Variants in FAM83F observed in about 807,000 individuals in gnomAD.
FAM83F encodes the protein protein FAM83F.
A neutral mutation model predicts 42.9 loss-of-function variants in FAM83F; 45 were observed. The observed-to-expected ratio is 1.05, with a 90% CI of 0.83 to 1.35. The LOEUF is 1.35. Ranked by LOEUF, FAM83F falls within the 40% of genes most tolerant of loss-of-function variation. The pLI is 0.00. For missense variants in FAM83F, 617 were observed against 695.9 expected, an observed-to-expected ratio of 0.89 and a Z score of 1.28; for synonymous variants, 306 against 298.3, an observed-to-expected ratio of 1.03 and a Z score of -0.27.
intron 1 of FAM83F, among the ~76,000 whole-genome samples, chr22:40,013,825 A>C (rs971733043): frequency 1.3e-5 from 2 of 152,038 alleles, no homozygotes; most frequent in Non-Finnish European, 2.9e-5. Context: ...AGAGTTTCCA[A>C]TATTTCTTCC....
chr22:40,027,588 C>T (rs879690770), intron 4 of FAM83F, among the ~76,000 whole-genome samples: 1 of 152,224 alleles, frequency 6.6e-6, no homozygotes, highest in Non-Finnish European at 1.5e-5. Flanking sequence ...GCTGACTCCC[C>T]ACACGTGGTC....
chr22:39,995,189 G>A lies in FAM83F; in HGVS notation c.147G>A (p.Arg49=). Residue 49 remains arginine (R), a synonymous_variant, in exon 1 of 5, where the codon CGG becomes CGA. Coordinates refer to ENST00000333407, the MANE Select transcript of FAM83F (RefSeq NM_138435.4). This position sits in a 1 kb window ranked among gnomAD's most constrained non-coding sequence, Gnocchi z 4.6. ...LGGGEQAYRE[R]LKEEQLRDFL... is the part of the protein sequence containing the mutation. ...GCGGCGAGCAGGCCTACCGCGAGCG[G>A]CTCAAGGAGGAGCAGCTGCGGGACT... is the stretch of plus-strand genomic sequence containing the variant. The A allele has an allele frequency of 6.6e-7, 1 of 1,520,932 alleles. No individual in the cohort carries two copies. The highest frequency in any genetic ancestry group is 8.8e-7 in the Non-Finnish European group (1 of 1,140,898). 94.2% of individuals were successfully genotyped at this position (1,520,932 alleles called of 1,614,324 possible). A position where few individuals can be genotyped will look rare whatever the true frequency, so the allele number is the denominator to read the frequency against.
In FAM83F at chr22:40,040,445, G is replaced by C. The variant is rs2067646275; in HGVS notation, c.*10880G>C. ...ACACACAGCAAGTGTCCACCAAAGG[G>C]TAGTTATTATTAACCATAATCCTGG... On this transcript the variant is annotated 3_prime_UTR_variant, in exon 5 of 5. Coordinates refer to ENST00000333407, the MANE Select transcript of FAM83F (RefSeq NM_138435.4). The C allele has an allele frequency of 6.6e-6, 1 of 152,196 alleles. No homozygotes were observed. Among genetic ancestry groups the C allele is most frequent in the African/African-American group, 2.4e-5 (1 of 41,442 alleles). The allele number at this position is 152,196 out of a possible 1,614,324, so 9.4% of individuals were successfully genotyped here.
chr22:39,998,374 C>G (rs1484813970), intron 1 of FAM83F, among the ~76,000 whole-genome samples: 1 of 152,174 alleles, frequency 6.6e-6, no homozygotes, highest in Non-Finnish European at 1.5e-5. Flanking sequence ...CATTTTGATT[C>G]CTGAATCACA....
chr22:40,017,927 C>G (rs1219375138), intron 1 of FAM83F, among the ~76,000 whole-genome samples: 1 of 152,234 alleles, frequency 6.6e-6, no homozygotes, highest in African/African-American at 2.4e-5. Flanking sequence ...AACAAAATCT[C>G]TCCGACCCCA....
intron 1 of FAM83F, among the ~76,000 whole-genome samples, chr22:39,996,136 G>C (rs1488093498): frequency 6.6e-6 from 1 of 152,186 alleles, no homozygotes; most frequent in Non-Finnish European, 1.5e-5. Flanking sequence ...TGTGTGCCTG[G>C]CCCTGTGCTG....
At chr22:40,024,951 G>A (rs771087250) in intron 4 of FAM83F, among the ~76,000 whole-genome samples, 2 of 152,158 alleles carry the variant, frequency 1.3e-5, no homozygotes, top group Non-Finnish European at 1.5e-5. Context: ...CGGTTTCAAG[G>A]CTCACGGCGC....
At chr22:40,011,366 G>A (rs2145714792) in intron 1 of FAM83F, among the ~76,000 whole-genome samples, 1 of 152,120 alleles carries the variant, frequency 6.6e-6, no homozygotes, top group East Asian at 1.9e-4. Context: ...TGTATTTTTG[G>A]TAGAGACGGG....
intron 1 of FAM83F, among the ~76,000 whole-genome samples, chr22:40,002,486 A>G (rs2067407525): frequency 6.6e-6 from 1 of 152,166 alleles, no homozygotes; most frequent in South Asian, 2.1e-4. Flanking sequence ...AGTAAACTTC[A>G]TGACCTTCTC....
intron 1 of FAM83F, among the ~76,000 whole-genome samples, chr22:40,006,241 A>C (rs1429784091): frequency 3.4e-5 from 3 of 88,238 alleles, no homozygotes; most frequent in Non-Finnish European, 9.5e-5. Context: ...TGCCATCTCA[A>C]AAAAAAAAAA....
At position 40,019,194 on chromosome 22, in the gene FAM83F, C is replaced by T. The variant is rs371988328; in HGVS notation, c.516C>T (p.Phe172=). 5.3e-5 allele frequency: 85 copies of T among 1,614,056 alleles called. No homozygotes were observed. In the African/African-American group the frequency reaches 7.2e-4, roughly 14 times the overall value. ...QKVIAVVMDL[F]TDGDIFQDIV... ...TCATTGCTGTGGTCATGGACCTCTT[C>T]ACTGATGGTGATATCTTTCAAGACA... The change falls in exon 2 of 5, where the codon TTC becomes TTT. Residue 172 remains phenylalanine (F), a synonymous_variant. Coordinates refer to ENST00000333407, the MANE Select transcript of FAM83F (RefSeq NM_138435.4).
chr22:40,019,571 C>G (rs1479098670), intron 2 of FAM83F, among the ~76,000 whole-genome samples: 1 of 152,248 alleles, frequency 6.6e-6, no homozygotes, highest in African/African-American at 2.4e-5. Flanking sequence ...AAGGAGGGAG[C>G]TCTGGGCTGG....
At chr22:40,029,078 G>A (rs2067571544) in intron 4 of FAM83F, among the ~76,000 whole-genome samples, 1 of 135,232 alleles carries the variant, frequency 7.4e-6, no homozygotes, top group African/African-American at 2.8e-5. Flanking sequence ...CTCTTGGCTA[G>A]ACGTGTGTGT....
Position 40,042,741 on chromosome 22 carries a change from G to A in FAM83F, c.*13176G>A, listed in dbSNP as rs968043834. On this transcript the variant is annotated 3_prime_UTR_variant, in exon 5 of 5. Coordinates refer to ENST00000333407, the MANE Select transcript of FAM83F (RefSeq NM_138435.4). ...CTTTTACGATCAGAACAATGTGAAG[G>A]ACACAAAGATGAAAAAGAAACCATC... 1 of 152,162 alleles carries A rather than the reference G, an allele frequency of 6.6e-6. No individual in the cohort carries two copies. The highest frequency in any genetic ancestry group is 1.5e-5 in the Non-Finnish European group (1 of 68,016). 9.4% of individuals were successfully genotyped at this position (152,162 alleles called of 1,614,324 possible).
At chr22:39,997,274 GTGGTGTACCCC>G (rs2067377052) in intron 1 of FAM83F, among the ~76,000 whole-genome samples, 1 of 152,238 alleles carries the variant, frequency 6.6e-6, no homozygotes, top group African/African-American at 2.4e-5. Flanking sequence ...TGGAGTGCAG[GTGGTGTACCCC>G]TGTTACTAGA....
At chr22:40,004,016 C>T (rs1466741023) in intron 1 of FAM83F, among the ~76,000 whole-genome samples, 19 of 152,112 alleles carry the variant, frequency 1.2e-4, no homozygotes, top group Non-Finnish European at 1.5e-5. Flanking sequence ...TTCCCGAACT[C>T]ACCCGCCTGG....
In FAM83F at chr22:40,008,472, C is replaced by T. The variant is rs143338659; in HGVS notation, c.490-10696C>T. On this transcript the variant is annotated intron_variant, in intron 1 of 4. Transcript: ENST00000333407. ...CAGAACAGCCCTGTAAAGGCATCAC[C>T]TCCCCACTCTAAAATGAGGTAACTG... 1.2e-3 allele frequency among the ~76,000 whole-genome samples: 181 copies of T among 152,330 alleles called. 1 individual carries two copies. The highest frequency in any genetic ancestry group is 2.2e-3 in the Admixed American group (33 of 15,306).
Position 40,042,015 on chromosome 22 carries a change from T to A in FAM83F, c.*12450T>A, listed in dbSNP as rs1174415325. On this transcript the variant is annotated 3_prime_UTR_variant, in exon 5 of 5. Transcript: ENST00000333407. ...CTGGGACTGTAGGCGCAGGCCACCA[T>A]GCGCAACTATTTATTTTCTTTCTTT... is the stretch of plus-strand genomic sequence containing the variant. 1 of 152,068 alleles carries A rather than the reference T, an allele frequency of 6.6e-6. No homozygotes were observed. Among genetic ancestry groups the A allele is most frequent in the Non-Finnish European group, 1.5e-5 (1 of 68,016 alleles). The allele number at this position is 152,068 out of a possible 1,614,324, so 9.4% of individuals were successfully genotyped here.
intron 4 of FAM83F, among the ~76,000 whole-genome samples, chr22:40,026,501 C>T (rs193168948): frequency 2.0e-5 from 3 of 152,242 alleles, no homozygotes; most frequent in Admixed American, 2.0e-4. Context: ...GCCTGGGTGA[C>T]ACAGTAGGAA....
Sources: gnomAD v4.1 joint callset for allele counts (sites outside exome capture counted in the v4.1 genomes callset) on GRCh38, gnomAD v4.1.1 for gene constraint, Gnocchi (gnomAD v3.1) non-coding constraint, MANE v1.5 for transcripts, NCBI Gene and HGNC (gene_info 2026-07-23, HGNC 2026-07-21) for gene names.